GLDC: variants seen among roughly 807,000 people sequenced by gnomAD.
GLDC encodes the protein glycine dehydrogenase (decarboxylating), mitochondrial.
A neutral mutation model predicts 121.3 loss-of-function variants in GLDC; 104 were observed. The ratio of observed to expected loss-of-function variants is 0.86; its 90% CI spans 0.73 to 1.01. GLDC has a LOEUF of 1.01. Ranked by LOEUF, GLDC falls within the 50% of genes least tolerant of loss-of-function variation. The pLI is 0.00. For missense variants in GLDC, 1,429 were observed against 1,306.6 expected (o/e 1.09, Z -1.44); for synonymous variants, 546 against 480.6 (o/e 1.14, Z -1.78).
At chr9:6,534,523 G>A (rs992488465) in intron 24 of GLDC, among the ~76,000 whole-genome samples, 185 bp downstream of exon 24, 1 of 152,114 alleles carries the variant, frequency 6.6e-6, no homozygotes. Flanking sequence ...CAGATCTGTG[G>A]TTGATACTGT....
chr9:6,578,992 C>A (rs1818125957), intron 15 of GLDC, among the ~76,000 whole-genome samples: 1 of 152,130 alleles, frequency 6.6e-6, no homozygotes, highest in East Asian at 1.9e-4. Flanking sequence ...TTTCAACATG[C>A]CCTTATGTTC....
In GLDC at chr9:6,557,735, C is replaced by G. The variant is rs1043864061; in HGVS notation, c.2052+824G>C. On this transcript the variant is annotated intron_variant, in intron 17 of 24. Coordinates refer to ENST00000321612, the MANE Select transcript of GLDC (RefSeq NM_000170.3). ...GCAAGCATATATAAAAGTCACATCC[C>G]TGTTTGTTTTCCTGGCCAGCATATC... 2.6e-5 allele frequency: 4 copies of G among 152,120 alleles called. No individual in the cohort carries two copies. In the East Asian group the frequency reaches 7.7e-4, roughly 29 times the overall value. 9.4% of individuals were successfully genotyped at this position (152,120 alleles called of 1,614,324 possible).
At chr9:6,639,517 C>G (rs1179773570) in intron 2 of GLDC, 2 of 821,028 alleles carry the variant, frequency 2.4e-6, no homozygotes, top group East Asian at 2.4e-5. Flanking sequence ...AAGGGCAACA[C>G]CCTGATTCGG....
chr9:6,642,349 G>C (rs533956070), intron 2 of GLDC, among the ~76,000 whole-genome samples: 47 of 152,104 alleles, frequency 3.1e-4, no homozygotes, highest in Middle Eastern at 6.8e-3. Context: ...GGCCAACATG[G>C]AGAAACCCCA....
intron 3 of GLDC, among the ~76,000 whole-genome samples, chr9:6,619,519 G>C (rs981363684): frequency 1.6e-4 from 25 of 152,132 alleles, no homozygotes; most frequent in Admixed American, 1.6e-3. Context: ...CCTGAGGTCA[G>C]GAGTTCGAGA....
intron 21 of GLDC, among the ~76,000 whole-genome samples, chr9:6,542,517 C>T (rs766850190): frequency 2.6e-5 from 4 of 151,972 alleles, no homozygotes; most frequent in Non-Finnish European, 4.4e-5. Flanking sequence ...GATTACAGGC[C>T]GTGAGCCACT....
intron 4 of GLDC, among the ~76,000 whole-genome samples, chr9:6,609,070 G>C (rs1818797627): frequency 6.6e-6 from 1 of 152,114 alleles, no homozygotes; most frequent in South Asian, 2.1e-4. Context: ...TCAGGGCTAG[G>C]AGCACAAAAC....
Position 6,605,259 on chromosome 9 carries a change from C to T in GLDC, c.733G>A (p.Glu245Lys). The T allele has an allele frequency of 3.1e-6, 5 of 1,613,986 alleles. No individual in the cohort carries two copies. The highest frequency in any genetic ancestry group is 3.4e-6 in the Non-Finnish European group (4 of 1,179,862). ...TRAKYTGVLT[E>K]LKLPCEMDFS... ...TCCATTTCACAGGGTAACTTCAGCT[C>T]AGTGAGGACTCCAGTATATCTGGAA... The change falls in exon 6 of 25, where the codon GAG becomes AAG. Residue 245 changes from glutamate (E) to lysine (K), a missense_variant. Transcript: ENST00000321612.
chr9:6,576,016 C>G (rs1818057474), intron 15 of GLDC, among the ~76,000 whole-genome samples: 1 of 152,194 alleles, frequency 6.6e-6, no homozygotes, highest in Non-Finnish European at 1.5e-5. Context: ...AGCTTCTTGA[C>G]ATTTTTTCTT....
At chr9:6,611,505 G>A (rs538692013) in intron 3 of GLDC, among the ~76,000 whole-genome samples, 4 of 150,452 alleles carry the variant, frequency 2.7e-5, no homozygotes, top group African/African-American at 4.9e-5. Flanking sequence ...GCAGTGAGCT[G>A]AGATCACGCC....
intron 2 of GLDC, among the ~76,000 whole-genome samples, chr9:6,636,398 C>G (rs933933553): frequency 6.6e-5 from 10 of 152,062 alleles, no homozygotes; most frequent in African/African-American, 2.4e-4. Flanking sequence ...ATGGGAGACT[C>G]TACGCTTGTG....
Position 6,620,327 on chromosome 9 carries a change from T to C in GLDC, c.335-8A>G, listed in dbSNP as rs770049528. The C allele has an allele frequency of 8.7e-6, 14 of 1,612,008 alleles. No individual in the cohort carries two copies. In the South Asian group the frequency reaches 1.4e-4, roughly 16 times the overall value. On this transcript the variant is annotated splice_region_variant and splice_polypyrimidine_tract_variant and intron_variant, in intron 2 of 24. Coordinates refer to ENST00000321612, the MANE Select transcript of GLDC (RefSeq NM_000170.3). ...CAAGGATTTCATTTTCACCTAATTG[T>C]GGGAAAAAGAGAAATGTTACAGACA... is the stretch of plus-strand genomic sequence containing the variant.
intron 2 of GLDC, among the ~76,000 whole-genome samples, chr9:6,632,743 T>C (rs1196049008): frequency 6.6e-6 from 1 of 152,196 alleles, no homozygotes; most frequent in Non-Finnish European, 1.5e-5. Flanking sequence ...AGGCAGAATG[T>C]GGGTGGGGCT....
intron 15 of GLDC, among the ~76,000 whole-genome samples, chr9:6,570,690 C>T (rs1051526632): frequency 1.3e-5 from 2 of 152,022 alleles, no homozygotes; most frequent in African/African-American, 2.4e-5. Context: ...TTCGTCTCTA[C>T]TAAAAATACA....
At chr9:6,562,194 TA>T (rs1379251656) in intron 16 of GLDC, among the ~76,000 whole-genome samples, 3 of 152,244 alleles carry the variant, frequency 2.0e-5, no homozygotes, top group Admixed American at 1.3e-4. Context: ...GTAATTGCCA[TA>T]TAAGTGTTTG....
intron 2 of GLDC, among the ~76,000 whole-genome samples, chr9:6,634,532 C>CAAAT (rs1408651400): frequency 1.7e-5 from 2 of 120,532 alleles, no homozygotes; most frequent in African/African-American, 7.5e-5. Context: ...GTGTCTCAAA[C>CAAAT]AAACAAACAA....
In GLDC at chr9:6,622,444, G is replaced by C. The variant is rs941456142; in HGVS notation, c.335-2125C>G. On this transcript the variant is annotated intron_variant, in intron 2 of 24. Coordinates refer to ENST00000321612, the MANE Select transcript of GLDC (RefSeq NM_000170.3). ...TTTTTGGTGGAGACGGGGTTTCCCT[G>C]TGTTGGCCGGGCTGGTCTCCAGCTC... 1.4e-3 allele frequency among the ~76,000 whole-genome samples: 210 copies of C among 145,350 alleles called. 1 individual carries two copies. The highest frequency in any genetic ancestry group is 2.6e-3 in the Non-Finnish European group (174 of 66,446).
At chr9:6,537,173 G>A (rs946630957) in intron 22 of GLDC, among the ~76,000 whole-genome samples, 2 of 151,958 alleles carry the variant, frequency 1.3e-5, no homozygotes, top group African/African-American at 4.8e-5. Flanking sequence ...TGAGACTACA[G>A]GTGCACGCCA....
rs757405616 is a variant in GLDC, at chr9:6,587,214, G to C, written c.1777C>G (p.Gln593Glu). 3.7e-6 allele frequency: 6 copies of C among 1,613,804 alleles called. No homozygotes were observed. Among genetic ancestry groups the C allele is most frequent in the Non-Finnish European group, 5.1e-6 (6 of 1,179,710 alleles). Reference sequence around the variant, plus strand: ...TCCTTCTCAAGCTCTCGGAAAAGCTGCTGATATCCTTGAGCTTGATCCAGA... The same window carrying C: ...TCCTTCTCAAGCTCTCGGAAAAGCTCCTGATATCCTTGAGCTTGATCCAGA... ...VPLDQAQGYQ[Q>E]LFRELEKDLC... Residue 593 changes from glutamine to glutamate, a missense_variant, in exon 15 of 25, where the codon CAG (glutamine) becomes GAG (glutamate). Coordinates refer to ENST00000321612, the MANE Select transcript of GLDC (RefSeq NM_000170.3).
Sources: allele counts gnomAD v4.1 joint callset (sites outside exome capture counted in the v4.1 genomes callset), GRCh38; gene constraint gnomAD v4.1.1; transcripts MANE v1.5; gene names NCBI Gene and HGNC (gene_info 2026-07-23, HGNC 2026-07-21).